OTOG: variants seen among roughly 807,000 people sequenced by gnomAD.
OTOG encodes otogelin.
Under a neutral mutation model 313.8 loss-of-function variants are expected in OTOG, and 296 were observed. The ratio of observed to expected loss-of-function variants is 0.94; its 90% CI spans 0.86 to 1.04. OTOG has a LOEUF of 1.04. Ranked by LOEUF, OTOG falls within the 50% of genes least tolerant of loss-of-function variation. OTOG has a pLI of 0.00. For synonymous variants in OTOG, 1,533 were observed against 1,554.9 expected, an observed-to-expected ratio of 0.99 and a Z score of 0.33; for missense variants, 3,948 against 3,840.1, an observed-to-expected ratio of 1.03 and a Z score of -0.74.
intron 47 of OTOG, 93 bp downstream of exon 47, chr11:17,635,804 C>T (rs1854251861): frequency 9.5e-7 from 1 of 1,052,786 alleles, no homozygotes; most frequent in South Asian, 1.4e-5. Flanking sequence ...CAGGGAGCAA[C>T]AGAGCGCCCC....
chr11:17,612,304 G>A lies in OTOG; in HGVS notation c.6266G>A (p.Arg2089His), dbSNP rs949082330. 7.1e-6 allele frequency: 11 copies of A among 1,538,694 alleles called. No homozygotes were observed. The highest frequency in any genetic ancestry group is 1.7e-4 in the Middle Eastern group (1 of 5,990). The change falls in exon 37 of 56, where the codon CGC becomes CAC. Residue 2089 changes from arginine (R) to histidine (H), a missense_variant. Arg to His is a conservative substitution (Grantham distance 29). Coordinates refer to ENST00000399397, the MANE Select transcript of OTOG (RefSeq NM_001292063.2). ...LGLAVRVGGD[R>H]CCPLWECACR... Reference sequence around the variant, plus strand: ...CTCGCCGTGCGGGTGGGTGGGGACCGCTGCTGCCCACTCTGGGAGTGTGCC... The same window carrying A: ...CTCGCCGTGCGGGTGGGTGGGGACCACTGCTGCCCACTCTGGGAGTGTGCC...
At position 17,548,146 on chromosome 11, in the gene OTOG, C is replaced by T; in HGVS notation, c.156-6C>T. ...CCCATCCATGCCAGACTCGTGTTTC[C>T]TCCAGCAGCAGCCACCAGGAGGCGA... On this transcript the variant is annotated splice_region_variant and splice_polypyrimidine_tract_variant and intron_variant, in intron 2 of 55. Transcript: ENST00000399397. 1 of 1,546,550 alleles carries T rather than the reference C, an allele frequency of 6.5e-7. No individual in the cohort carries two copies. The highest frequency in any genetic ancestry group is 8.7e-7 in the Non-Finnish European group (1 of 1,144,574).
chr11:17,583,244 C>G (rs984923187), intron 23 of OTOG, among the ~76,000 whole-genome samples: 9 of 152,210 alleles, frequency 5.9e-5, no homozygotes, highest in African/African-American at 1.9e-4. Flanking sequence ...AAGCGATTCT[C>G]CCGCCTCAGC....
chr11:17,573,020 T>G (rs184698200), intron 18 of OTOG, 58 bp from the exon 19 acceptor site: 49 of 1,437,934 alleles, frequency 3.4e-5, no homozygotes, highest in African/African-American at 8.4e-5. Context: ...AGGCTGATCC[T>G]GGGACACCAG....
At chr11:17,643,136 C>CT (rs1848007991) in intron 53 of OTOG, among the ~76,000 whole-genome samples, 1 of 152,250 alleles carries the variant, frequency 6.6e-6, no homozygotes, top group Non-Finnish European at 1.5e-5. Context: ...CCCTGCGCCC[C>CT]TCCCCTCCCT....
At chr11:17,552,127 C>A (rs1439356091) in intron 4 of OTOG, 52 bp downstream of exon 4, 2 of 1,522,368 alleles carry the variant, frequency 1.3e-6, no homozygotes. Context: ...AGAGCCCTGG[C>A]AGAGGCCTGA....
At chr11:17,554,994 C>T (rs924744466) in intron 6 of OTOG, among the ~76,000 whole-genome samples, 1 of 152,148 alleles carries the variant, frequency 6.6e-6, no homozygotes, top group Non-Finnish European at 1.5e-5. Context: ...TTTAGTTAGA[C>T]CATGGGGTAG....
rs921843755 is a variant in OTOG at position 17,591,559 on chromosome 11, G to A, written c.2977G>A (p.Val993Met). 8.4e-6 allele frequency: 13 copies of A among 1,550,640 alleles called. No homozygotes were observed. Among genetic ancestry groups the A allele is most frequent in the East Asian group, 2.4e-5 (1 of 40,924 alleles). Residue 993 changes from valine to methionine, a missense_variant, in exon 25 of 56, where the codon GTG becomes ATG. Val to Met is a conservative substitution (Grantham distance 21, BLOSUM62 1). Transcript: ENST00000399397. ...RTFDGLPFDF[V>M]GACKVHLVKS... Reference sequence around the variant, plus strand: ...GTTTGATGGGCTCCCGTTTGACTTCGTGGGGGCATGCAAAGTGCACCTGGT... The same window carrying A: ...GTTTGATGGGCTCCCGTTTGACTTCATGGGGGCATGCAAAGTGCACCTGGT...
Position 17,611,417 on chromosome 11 carries a change from C to G in OTOG, c.6117C>G (p.Thr2039=). ...CCACTGAGGCCAATACATCCACCACCTGTGTTGTGAGTGATTTGCCAGGGT... is the reference window on the plus strand; with the variant it reads ...CCACTGAGGCCAATACATCCACCACGTGTGTTGTGAGTGATTTGCCAGGGT... The part of the protein sequence containing the change: ...ATTTEANTST[T]CVPIAEQDCV... The change falls in exon 36 of 56, where the codon ACC becomes ACG. Residue 2039 remains threonine, a synonymous_variant. Coordinates refer to ENST00000399397, the MANE Select transcript of OTOG (RefSeq NM_001292063.2). 2.0e-6 allele frequency: 3 copies of G among 1,516,884 alleles called. No homozygotes were observed. Among genetic ancestry groups the G allele is most frequent in the Non-Finnish European group, 2.7e-6 (3 of 1,126,262 alleles). The allele number at this position is 1,516,884 out of a possible 1,614,324, so 94.0% of individuals were successfully genotyped here.
chr11:17,637,887 C>T (rs1230483188), intron 47 of OTOG, among the ~76,000 whole-genome samples: 4 of 152,166 alleles, frequency 2.6e-5, no homozygotes, highest in Non-Finnish European at 4.4e-5. Context: ...GACCCTCGCC[C>T]CTCCCCTATC....
chr11:17,619,552 T>A (rs1004787431), intron 39 of OTOG, among the ~76,000 whole-genome samples: 1 of 152,202 alleles, frequency 6.6e-6, no homozygotes, highest in African/African-American at 2.4e-5. Flanking sequence ...GTCTGTACTT[T>A]TTTTTTCTCC....
At chr11:17,567,044 G>A (rs141181969) in intron 15 of OTOG, among the ~76,000 whole-genome samples, 490 of 152,272 alleles carry the variant, frequency 3.2e-3, no homozygotes, top group Non-Finnish European at 5.3e-3. Context: ...GGTAGGATTG[G>A]GTACAACCAA....
intron 32 of OTOG, among the ~76,000 whole-genome samples, chr11:17,605,237 G>A (rs1032156185): frequency 2.6e-5 from 4 of 152,344 alleles, no homozygotes; most frequent in Admixed American, 6.5e-5. Flanking sequence ...CCCTAGAACT[G>A]GGCAGTTATG....
chr11:17,569,860 G>C (rs1018345017), intron 16 of OTOG, among the ~76,000 whole-genome samples: 1 of 152,192 alleles, frequency 6.6e-6, no homozygotes, highest in East Asian at 1.9e-4. Context: ...ATAAAACTGT[G>C]TTGTGGCCAC....
At chr11:17,575,496 G>A (rs922258356) in intron 20 of OTOG, among the ~76,000 whole-genome samples, 2 of 152,200 alleles carry the variant, frequency 1.3e-5, no homozygotes, top group Non-Finnish European at 2.9e-5. Context: ...GCTCCAGGAA[G>A]AGGGGGTGGC....
rs572951817 is a variant in OTOG, at chr11:17,554,159, A to T, written c.540+640A>T. Among the ~76,000 whole-genome samples the T allele has an allele frequency of 7.0e-4, 107 of 152,306 alleles. 1 individual carries two copies. The highest frequency in any genetic ancestry group is 2.4e-3 in the African/African-American group (101 of 41,562). On this transcript the variant is annotated intron_variant, in intron 6 of 55. Transcript: ENST00000399397. The stretch of plus-strand genomic sequence containing the variant: ...AAATGATGGAGGTCCTGGGTGACTC[A>T]GTTTAGAGTCACCTCCTCTAAGAAG...
intron 23 of OTOG, among the ~76,000 whole-genome samples, chr11:17,580,176 G>A (rs1025420578): frequency 6.6e-6 from 1 of 152,224 alleles, no homozygotes; most frequent in African/African-American, 2.4e-5. Flanking sequence ...GTCTGTGGCT[G>A]TCTGTGTGCC....
chr11:17,634,306 G>A (rs1472174354), intron 44 of OTOG, 25 bp downstream of exon 44: 6 of 1,544,988 alleles, frequency 3.9e-6, no homozygotes, highest in African/African-American at 1.4e-5. Context: ...TCACTTCCTT[G>A]GACGTCAACT....
intron 39 of OTOG, among the ~76,000 whole-genome samples, chr11:17,621,048 C>G (rs1033034442): frequency 6.6e-6 from 1 of 152,074 alleles, no homozygotes; most frequent in Non-Finnish European, 1.5e-5. Context: ...GTTTGTATTT[C>G]CTTGTCTACC....
Sources: allele counts gnomAD v4.1 joint callset (sites outside exome capture counted in the v4.1 genomes callset), GRCh38; gene constraint gnomAD v4.1.1; transcripts MANE v1.5; gene names NCBI Gene and HGNC (gene_info 2026-07-23, HGNC 2026-07-21).